PTK2: variants seen among roughly 807,000 people sequenced by gnomAD.
PTK2 encodes the protein focal adhesion kinase 1.
A neutral mutation model predicts 150.1 loss-of-function variants in PTK2; 45 were observed. The ratio of observed to expected loss-of-function variants is 0.30; its 90% CI spans 0.24 to 0.38. The LOEUF is 0.38. Ranked by LOEUF, PTK2 falls within the 10% of genes least tolerant of loss-of-function variation. The pLI is 1.00. For missense variants in PTK2, 919 were observed against 1,307.3 expected, an observed-to-expected ratio of 0.70 and a Z score of 4.58; for synonymous variants, 432 against 449.2, an observed-to-expected ratio of 0.96 and a Z score of 0.48.
chr8:140,676,380 A>AAATTAATT (rs57904871), intron 27 of PTK2, among the ~76,000 whole-genome samples: 11 of 131,590 alleles, frequency 8.4e-5, no homozygotes, highest in African/African-American at 1.1e-4. Context: ...TGTCTCAAAA[A>AAATTAATT]AATTAATTAA....
At chr8:140,972,054 A>G (rs1359551416) in intron 1 of PTK2, among the ~76,000 whole-genome samples, 3 of 152,182 alleles carry the variant, frequency 2.0e-5, no homozygotes, top group Non-Finnish European at 4.4e-5. Context: ...GGATTAAGAC[A>G]TTTTTCAAAG....
chr8:140,694,189 T>C (rs1407376519), intron 26 of PTK2, among the ~76,000 whole-genome samples: 5 of 151,940 alleles, frequency 3.3e-5, no homozygotes, highest in South Asian at 2.1e-4. Context: ...TACAGGCACC[T>C]GCCACTACGC....
At chr8:140,687,745 C>T (rs927766368) in intron 26 of PTK2, among the ~76,000 whole-genome samples, 5 of 152,150 alleles carry the variant, frequency 3.3e-5, no homozygotes, top group African/African-American at 1.2e-4. Context: ...CTAATCAAAG[C>T]GGGGTCAGTC....
chr8:140,915,907 A>G (rs982889883), intron 2 of PTK2, among the ~76,000 whole-genome samples: 2 of 17,342 alleles, frequency 1.2e-4, no homozygotes, highest in Admixed American at 1.8e-3. Context: ...GTCTCAAAAA[A>G]CAAACAAACA....
At chr8:140,800,385 C>T in intron 12 of PTK2, 74 bp downstream of exon 12, 1 of 1,159,302 alleles carries the variant, frequency 8.6e-7, no homozygotes, top group Non-Finnish European at 1.3e-6. Context: ...AAGAGGATAA[C>T]AGGCTGTTAG....
intron 10 of PTK2, 140 bp downstream of exon 10, chr8:140,818,137 C>T: frequency 1.4e-6 from 1 of 714,198 alleles, no homozygotes; most frequent in Non-Finnish European, 2.4e-6. Context: ...CTTACTTGTC[C>T]CCCACTCCAC....
At chr8:140,689,515 T>G (rs182754681) in intron 26 of PTK2, among the ~76,000 whole-genome samples, 17 of 152,356 alleles carry the variant, frequency 1.1e-4, no homozygotes, top group Non-Finnish European at 2.4e-4. Flanking sequence ...TGGTAAAATA[T>G]GAATAGTCCA....
At chr8:140,729,982 C>T (rs919649552) in intron 22 of PTK2, among the ~76,000 whole-genome samples, 1 of 152,200 alleles carries the variant, frequency 6.6e-6, no homozygotes, top group Admixed American at 6.5e-5. Flanking sequence ...GTTCATGGCA[C>T]AATGCCTGCC....
intron 7 of PTK2, among the ~76,000 whole-genome samples, chr8:140,842,888 T>C (rs529462302): frequency 1.6e-4 from 24 of 152,254 alleles, no homozygotes; most frequent in African/African-American, 5.3e-4. Flanking sequence ...ATCAAAACAA[T>C]AGATCATTCA....
rs928755902 is a variant in PTK2 at position 140,901,666 on chromosome 8, T to A, written c.-32-10897A>T. Among the ~76,000 whole-genome samples, 240 of 151,078 alleles carry A rather than the reference T, an allele frequency of 1.6e-3. 5 individuals are homozygous for A. Among genetic ancestry groups the A allele is most frequent in the Admixed American group, 6.6e-3 (101 of 15,202 alleles). On this transcript the variant is annotated intron_variant, in intron 2 of 31. Coordinates refer to ENST00000522684, the Ensembl canonical transcript of PTK2. ...GATCCTGTCTTTTTTTTTTTTTTTT[T>A]AAATACTTTTAAGTTCTGGGATATA...
rs114389893 is a variant in PTK2, at chr8:140,864,808, C to A, written c.363-409G>T. 4.5e-3 allele frequency among the ~76,000 whole-genome samples: 682 copies of A among 152,356 alleles called. 4 individuals carry two copies. The highest frequency in any genetic ancestry group is 0.016 in the African/African-American group (647 of 41,582). On this transcript the variant is annotated intron_variant, in intron 4 of 31. Coordinates refer to ENST00000522684, the Ensembl canonical transcript of PTK2. ...AAGCTTTAAGAATGGATAAAACAAA[C>A]CAACATCACCAGAATGCTCTTTATC...
chr8:140,728,078 A>C lies in PTK2; in HGVS notation c.2030+7173T>G, dbSNP rs575116583. On this transcript the variant is annotated intron_variant, in intron 22 of 31. Coordinates refer to ENST00000522684, the Ensembl canonical transcript of PTK2. Reference sequence around the variant, plus strand: ...GCCCAGCACAGTGGTGCGCGCCTGTAATCTCAGCTACTCGGCAGGGTGAGG... The same window carrying C: ...GCCCAGCACAGTGGTGCGCGCCTGTCATCTCAGCTACTCGGCAGGGTGAGG... 1.9e-4 allele frequency among the ~76,000 whole-genome samples: 29 copies of C among 152,118 alleles called. No homozygotes were observed. In the South Asian group the frequency reaches 5.2e-3, roughly 27 times the overall value.
chr8:140,914,259 A>AT, intron 2 of PTK2, among the ~76,000 whole-genome samples: 1 of 152,266 alleles, frequency 6.6e-6, no homozygotes, highest in African/African-American at 2.4e-5. Context: ...TTAAAGTTAG[A>AT]TTTTTCTCTA....
At chr8:140,994,394 G>A (rs1261865201) in intron 1 of PTK2, among the ~76,000 whole-genome samples, 1 of 152,356 alleles carries the variant, frequency 6.6e-6, no homozygotes, top group Non-Finnish European at 1.5e-5. Context: ...CAAGTCATCA[G>A]TGCCATTTAT....
chr8:140,878,715 C>CT (rs1392915086), intron 4 of PTK2, among the ~76,000 whole-genome samples: 5 of 152,026 alleles, frequency 3.3e-5, no homozygotes, highest in Non-Finnish European at 7.4e-5. Flanking sequence ...CTACAATTAT[C>CT]TTTATTTCTG....
At chr8:140,965,481 C>T (rs1312338097) in intron 1 of PTK2, among the ~76,000 whole-genome samples, 6 of 152,140 alleles carry the variant, frequency 3.9e-5, no homozygotes. Flanking sequence ...TGCACGGTAC[C>T]AGAGACATGA....
At position 140,854,576 on chromosome 8, in the gene PTK2, TATACTGTTATAACAGTGA is replaced by T. The variant is rs573009961; in HGVS notation, c.451-7916_451-7899del. On this transcript the variant is annotated intron_variant, in intron 5 of 31. Transcript: ENST00000522684. ...CTCATTTTTATAAATTCCTGCTCTA[TATACTGTTATAACAGTGA>T]ATACTGTTATAACAAGATTCTAATT... Among the ~76,000 whole-genome samples, 258 of 152,360 alleles carry T rather than the reference TATACTGTTATAACAGTGA, an allele frequency of 1.7e-3. 1 individual carries two copies. The highest frequency in any genetic ancestry group is 6.0e-3 in the African/African-American group (249 of 41,584).
intron 1 of PTK2, among the ~76,000 whole-genome samples, chr8:140,952,097 G>A (rs979088608): frequency 2.0e-5 from 3 of 152,090 alleles, no homozygotes; most frequent in African/African-American, 7.2e-5. Context: ...TAATGTTGCT[G>A]AAAAGTTACA....
intron 1 of PTK2, among the ~76,000 whole-genome samples, chr8:140,933,146 T>C (rs1157787228): frequency 2.0e-5 from 3 of 149,478 alleles, no homozygotes; most frequent in African/African-American, 7.4e-5. Flanking sequence ...CCACCGCACA[T>C]GGCCCCCTGA....
Sources: allele counts gnomAD v4.1 joint callset (sites outside exome capture counted in the v4.1 genomes callset), GRCh38; gene constraint gnomAD v4.1.1; transcripts MANE v1.5; gene names NCBI Gene and HGNC (gene_info 2026-07-23, HGNC 2026-07-21).